The following FBXO38 variants were observed in gnomAD, a reference collection of about 807,000 sequenced individuals.
FBXO38 encodes the protein F-box protein 38.
In FBXO38, 53 loss-of-function variants were observed where a neutral mutation model predicts 131.9. The ratio of observed to expected loss-of-function variants is 0.40; its 90% CI spans 0.32 to 0.51. The LOEUF (loss-of-function observed/expected upper bound fraction) is 0.51, where lower values mean the gene tolerates loss of function less well. FBXO38 is among the 20% of genes least tolerant of loss of function. FBXO38 has a pLI of 0.53. For synonymous variants in FBXO38, 452 were observed against 505.6 expected (o/e 0.89, Z 1.42); for missense variants, 1,076 against 1,475.6 (o/e 0.73, Z 4.44).
chr5:148,407,629 G>A (rs1186440096), intron 7 of FBXO38, among the ~76,000 whole-genome samples: 6 of 151,514 alleles, frequency 4.0e-5, no homozygotes, highest in Admixed American at 6.6e-5. Flanking sequence ...GCATGATTGA[G>A]AGAGTGAAAA....
intron 6 of FBXO38, among the ~76,000 whole-genome samples, chr5:148,405,109 CT>C (rs1390630718): frequency 6.6e-6 from 1 of 151,196 alleles, no homozygotes; most frequent in African/African-American, 2.4e-5. Context: ...AGTCTTCTTA[CT>C]TTGTTTCTGG....
At chr5:148,398,883 T>G (rs1751979365) in intron 2 of FBXO38, 116 bp from the exon 3 acceptor site, 6 of 1,199,376 alleles carry the variant, frequency 5.0e-6, no homozygotes, top group Non-Finnish European at 7.1e-6. Context: ...AATCTCTGTC[T>G]TAAGATCTTA....
chr5:148,426,234 C>T (rs1753708380), intron 14 of FBXO38, among the ~76,000 whole-genome samples: 1 of 152,204 alleles, frequency 6.6e-6, no homozygotes, highest in Non-Finnish European at 1.5e-5. Context: ...TCTTCCTTGT[C>T]TTTCCTTCCC....
chr5:148,439,576 T>A, intron 18 of FBXO38, 71 bp from the exon 19 acceptor site: 1 of 1,438,822 alleles, frequency 7.0e-7, no homozygotes, highest in Non-Finnish European at 9.6e-7. Flanking sequence ...GAAAGATTGT[T>A]CAAGCTCTCG....
chr5:148,404,497 C>T (rs1052022686), intron 5 of FBXO38, among the ~76,000 whole-genome samples, 188 bp from the exon 6 acceptor site: 13 of 152,084 alleles, frequency 8.5e-5, no homozygotes, highest in Admixed American at 3.9e-4. Context: ...TTATGGTTTA[C>T]GTAAACTGTT....
At chr5:148,401,593 T>A (rs998481448) in intron 3 of FBXO38, among the ~76,000 whole-genome samples, 1 of 152,082 alleles carries the variant, frequency 6.6e-6, no homozygotes, top group Admixed American at 6.6e-5. Context: ...TCCTGAAGGT[T>A]TTACAGACGA....
intron 2 of FBXO38, among the ~76,000 whole-genome samples, chr5:148,397,298 A>G (rs146340890): frequency 7.9e-5 from 12 of 152,300 alleles, no homozygotes; most frequent in Non-Finnish European, 1.5e-4. Context: ...CTTTGACTAT[A>G]TAACTATGAA....
In FBXO38 at chr5:148,417,018, G is replaced by A; in HGVS notation, c.1432G>A (p.Ala478Thr). The A allele has an allele frequency of 6.2e-7, 1 of 1,613,800 alleles. No individual in the cohort carries two copies. Among genetic ancestry groups the A allele is most frequent in the Non-Finnish European group, 8.5e-7 (1 of 1,179,774 alleles). Residue 478 changes from alanine (A) to threonine (T), a missense_variant, in exon 12 of 22, where the codon GCA becomes ACA. Ala to Thr is a moderately conservative substitution (Grantham distance 58). This residue lies in a region of FBXO38 where 146 missense variants were observed against 274.3 expected (regional missense o/e 0.53). Transcript: ENST00000340253. ...GGGTTGTGCTCGAGTTGGTCTGAGT[G>A]CAGGCACAGGAATTGGTGTTTCATC... ...PKGCARVGLSAGTGIGVSSAL... is the reference protein window; with the variant it reads ...PKGCARVGLSTGTGIGVSSAL...
chr5:148,433,612 G>C, intron 16 of FBXO38, 23 bp from the exon 17 acceptor site: 2 of 1,568,984 alleles, frequency 1.3e-6, no homozygotes, highest in Non-Finnish European at 1.7e-6. Flanking sequence ...TCTTTATATA[G>C]TTTCTAATTT....
chr5:148,403,136 G>A (rs1752255789), intron 5 of FBXO38, among the ~76,000 whole-genome samples: 1 of 152,084 alleles, frequency 6.6e-6, no homozygotes, highest in Admixed American at 6.6e-5. Context: ...ATTTTTAGAT[G>A]TAAAAGGATT....
intron 7 of FBXO38, among the ~76,000 whole-genome samples, chr5:148,407,724 A>T (rs1427140519): frequency 6.6e-6 from 1 of 152,064 alleles, no homozygotes; most frequent in Non-Finnish European, 1.5e-5. Flanking sequence ...GCAGATCGAG[A>T]CCATCCTGGC....
At chr5:148,418,453 T>C (rs994047652) in intron 12 of FBXO38, among the ~76,000 whole-genome samples, 8 of 152,216 alleles carry the variant, frequency 5.3e-5, no homozygotes, top group African/African-American at 1.9e-4. Context: ...TATATCTAGC[T>C]CTGTACTTTA....
chr5:148,398,203 G>A (rs929989922), intron 2 of FBXO38, among the ~76,000 whole-genome samples: 7 of 152,098 alleles, frequency 4.6e-5, no homozygotes, highest in African/African-American at 1.4e-4. Context: ...CGCAATACAG[G>A]TTCAGTAGGT....
intron 3 of FBXO38, among the ~76,000 whole-genome samples, chr5:148,400,403 C>T (rs1470031888): frequency 6.6e-6 from 1 of 152,022 alleles, no homozygotes; most frequent in East Asian, 1.9e-4. Flanking sequence ...GGCAGAACTC[C>T]CATGTGATAT....
At chr5:148,389,417 A>C (rs1366741989) in intron 1 of FBXO38, among the ~76,000 whole-genome samples, 1 of 152,218 alleles carries the variant, frequency 6.6e-6, no homozygotes, top group East Asian at 1.9e-4. Flanking sequence ...AATCACAATT[A>C]AGGTATACCT....
intron 1 of FBXO38, among the ~76,000 whole-genome samples, chr5:148,386,092 A>G (rs983422659): frequency 3.9e-5 from 6 of 152,150 alleles, no homozygotes; most frequent in African/African-American, 1.4e-4. Flanking sequence ...TGACTGTAAT[A>G]TACCAAAGGT....
Position 148,404,705 on chromosome 5 carries a change from C to G in FBXO38, c.613C>G (p.Pro205Ala). Residue 205 changes from proline (P) to alanine (A), a missense_variant, in exon 6 of 22, where the codon CCT becomes GCT. Pro to Ala is a conservative substitution (Grantham distance 27). Coordinates refer to ENST00000340253, the MANE Select transcript of FBXO38 (RefSeq NM_205836.3). ...HLVGVNVPEI[P>A]CIPMLRHLYM... Reference sequence around the variant, plus strand: ...TTTAGGGGTGAATGTTCCTGAAATTCCTTGTATCCCAATGCTAAGGCACCT... The same window carrying G: ...TTTAGGGGTGAATGTTCCTGAAATTGCTTGTATCCCAATGCTAAGGCACCT... 2 of 1,578,590 alleles carry G rather than the reference C, an allele frequency of 1.3e-6. No individual in the cohort carries two copies. Among genetic ancestry groups the G allele is most frequent in the Non-Finnish European group, 8.6e-7 (1 of 1,165,162 alleles).
At chr5:148,398,816 A>G (rs902473653) in intron 2 of FBXO38, among the ~76,000 whole-genome samples, 183 bp from the exon 3 acceptor site, 2 of 151,754 alleles carry the variant, frequency 1.3e-5, no homozygotes, top group Non-Finnish European at 2.9e-5. Context: ...ATACTCAACT[A>G]TTTGCTGACT....
intron 17 of FBXO38, among the ~76,000 whole-genome samples, chr5:148,436,527 A>G (rs1754355685): frequency 6.6e-6 from 1 of 152,200 alleles, no homozygotes; most frequent in Admixed American, 6.5e-5. Context: ...TCTGAAATCT[A>G]AAACACTTCT....
Sources: gnomAD v4.1 joint callset for allele counts (sites outside exome capture counted in the v4.1 genomes callset) on GRCh38, gnomAD v4.1.1 for gene constraint, gnomAD v4.1.1 regional missense constraint, MANE v1.5 for transcripts, NCBI Gene and HGNC (gene_info 2026-07-23, HGNC 2026-07-21) for gene names.